The following EHD2 variants were observed in gnomAD, a reference collection of about 807,000 sequenced individuals.
EHD2 encodes the protein EH domain containing 2.
In EHD2, 27 loss-of-function variants were observed where a neutral mutation model predicts 41.0. That is an observed-to-expected ratio of 0.66 (90% CI 0.49 to 0.91). The LOEUF (loss-of-function observed/expected upper bound fraction) is 0.91, where lower values mean the gene tolerates loss of function less well. Ranked by LOEUF, EHD2 falls within the 40% of genes least tolerant of loss-of-function variation. The pLI is 0.00. For synonymous variants in EHD2, 342 were observed against 341.0 expected (o/e 1.00, Z -0.03); for missense variants, 673 against 773.9 (o/e 0.87, Z 1.55).
intron 4 of EHD2, among the ~76,000 whole-genome samples, chr19:47,731,155 C>T (rs1973803097): frequency 6.7e-6 from 1 of 149,954 alleles, no homozygotes; most frequent in African/African-American, 2.4e-5. Context: ...TGTGTTTGAA[C>T]TGAGAGCCTA....
At chr19:47,731,280 A>ATATATATATATATATATG in intron 4 of EHD2, 1 of 54,720 alleles carries the variant, frequency 1.8e-5, no homozygotes, top group East Asian at 4.6e-4. Context: ...AAAAAAAAAA[A>ATATATATATATATATATG]TATATATATA....
intron 5 of EHD2, 48 bp from the exon 6 acceptor site, chr19:47,740,833 C>A (rs1322649151): frequency 6.3e-7 from 1 of 1,590,520 alleles, no homozygotes; most frequent in East Asian, 2.3e-5. Flanking sequence ...CTGAGGGCCT[C>A]AGGGATGGCG....
intron 5 of EHD2, among the ~76,000 whole-genome samples, chr19:47,736,886 C>T (rs1045953039): frequency 3.9e-5 from 6 of 152,150 alleles, no homozygotes; most frequent in Non-Finnish European, 8.8e-5. Context: ...CTTCATGGTA[C>T]AAAAGGGCTG....
intron 1 of EHD2, among the ~76,000 whole-genome samples, chr19:47,715,759 C>T (rs1040959741): frequency 1.3e-5 from 2 of 152,146 alleles, no homozygotes; most frequent in African/African-American, 4.8e-5. Context: ...TCTTTCTCCT[C>T]CTTCAGCTGG....
In EHD2 at chr19:47,733,240, C is replaced by CT. The variant is rs758372235; in HGVS notation, c.916-3116dup. ...CAAGTTTCCAGCCCTTCTGGGGCTC[C>CT]TTTTTTTTTTTTTGAGACAGTGTCT... is the stretch of plus-strand genomic sequence containing the variant. On this transcript the variant is annotated intron_variant, in intron 4 of 5. Coordinates refer to ENST00000263277, the MANE Select transcript of EHD2 (RefSeq NM_014601.4). The CT allele has an allele frequency of 8.0e-3, 1,152 of 144,086 alleles. 14 individuals are homozygous for CT. The highest frequency in any genetic ancestry group is 0.024 in the African/African-American group (934 of 39,364). 8.9% of individuals were successfully genotyped at this position (144,086 alleles called of 1,614,324 possible). A position where few individuals can be genotyped will look rare whatever the true frequency, so the allele number is the denominator to read the frequency against.
At chr19:47,728,927 G>C (rs1599896124) in intron 4 of EHD2, among the ~76,000 whole-genome samples, 1 of 151,080 alleles carries the variant, frequency 6.6e-6, no homozygotes. Context: ...AACAGAATTG[G>C]TGCTCTGTAA....
chr19:47,738,734 C>T (rs967199123), intron 5 of EHD2, among the ~76,000 whole-genome samples: 4 of 152,220 alleles, frequency 2.6e-5, no homozygotes, highest in Non-Finnish European at 5.9e-5. Flanking sequence ...ACTCTGGCTG[C>T]CAGGGAATCC....
In EHD2 at chr19:47,727,115, T is replaced by C. The variant is rs536094358; in HGVS notation, c.915+891T>C. Among the ~76,000 whole-genome samples the C allele has an allele frequency of 2.0e-3, 310 of 152,308 alleles. 2 individuals carry two copies. Among genetic ancestry groups the C allele is most frequent in the African/African-American group, 7.2e-3 (299 of 41,562 alleles). On this transcript the variant is annotated intron_variant, in intron 4 of 5. Transcript: ENST00000263277. The stretch of plus-strand genomic sequence containing the variant: ...AATATTTCTTTTTCTTCTTCTTTTC[T>C]TTTTTTGAGACGGAGTTTTGCTCTT...
At chr19:47,717,081 C>T in intron 2 of EHD2, 65 bp downstream of exon 2, 2 of 1,588,780 alleles carry the variant, frequency 1.3e-6, no homozygotes, top group Non-Finnish European at 1.7e-6. Context: ...AGTTTCCGCT[C>T]TTTTCGCCCA....
At chr19:47,731,284 A>ATATATATG (rs1555793907) in intron 4 of EHD2, 32 of 54,892 alleles carry the variant, frequency 5.8e-4, no homozygotes, top group South Asian at 2.1e-3. Flanking sequence ...AAAAAAATAT[A>ATATATATG]TATATATATA....
At chr19:47,726,593 C>CTCCT (rs1011654516) in intron 4 of EHD2, among the ~76,000 whole-genome samples, 10 of 150,222 alleles carry the variant, frequency 6.7e-5, no homozygotes, top group African/African-American at 2.5e-4. Context: ...CCTCCCCTTC[C>CTCCT]TCCTTCCTTC....
At chr19:47,713,973 T>A (rs1442691926) in intron 1 of EHD2, among the ~76,000 whole-genome samples, 2 of 152,030 alleles carry the variant, frequency 1.3e-5, no homozygotes, top group African/African-American at 4.8e-5. Context: ...GGGCCCTCCC[T>A]GCCTGGGACA....
At chr19:47,735,544 G>A (rs922105195) in intron 4 of EHD2, among the ~76,000 whole-genome samples, 4 of 151,934 alleles carry the variant, frequency 2.6e-5, no homozygotes, top group African/African-American at 9.7e-5. Flanking sequence ...GCTGCAGTAA[G>A]TTATGATCGC....
At chr19:47,731,296 A>ATG (rs1472680284) in intron 4 of EHD2, 5 of 71,482 alleles carry the variant, frequency 7.0e-5, no homozygotes, top group Non-Finnish European at 1.5e-4. Flanking sequence ...ATATATATAT[A>ATG]TATATACATA....
chr19:47,742,316 A>G lies in EHD2; in HGVS notation c.*884A>G. On this transcript the variant is annotated 3_prime_UTR_variant, in exon 6 of 6. Transcript: ENST00000263277. ...TTGATAGAATCTTGCTCTGTCGCCC[A>G]GGCTGGAGTGCAGTGGTGAGATCTC... The G allele has an allele frequency of 3.8e-6, 1 of 262,120 alleles. No individual in the cohort carries two copies. The highest frequency in any genetic ancestry group is 7.4e-6 in the Non-Finnish European group (1 of 135,018). 16.2% of individuals were successfully genotyped at this position (262,120 alleles called of 1,614,324 possible).
chr19:47,716,486 A>G, intron 1 of EHD2, 72 bp from the exon 2 acceptor site: 1 of 1,041,462 alleles, frequency 9.6e-7, no homozygotes, highest in Non-Finnish European at 1.3e-6. Flanking sequence ...TCACCCAGAC[A>G]GTCTACACTC....
At chr19:47,721,331 T>G (rs1000842907) in intron 3 of EHD2, among the ~76,000 whole-genome samples, 7 of 152,098 alleles carry the variant, frequency 4.6e-5, no homozygotes, top group Admixed American at 1.3e-4. Context: ...TTTTTTTTTT[T>G]TGAGATGGAG....
In EHD2 at chr19:47,717,032, G is replaced by C; in HGVS notation, c.404+16G>C. ...TCCTCAACAGGTGTGCCAGCCGCGA[G>C]CCCAGGGCGCATCTTTCTTTTTCTT... On this transcript the variant is annotated intron_variant, in intron 2 of 5. Transcript: ENST00000263277. 1 of 1,598,772 alleles carries C rather than the reference G, an allele frequency of 6.3e-7. No individual in the cohort carries two copies. Among genetic ancestry groups the C allele is most frequent in the Non-Finnish European group, 8.5e-7 (1 of 1,179,860 alleles).
At chr19:47,717,100 T>C (rs972430523) in intron 2 of EHD2, 84 bp downstream of exon 2, 20 of 1,546,454 alleles carry the variant, frequency 1.3e-5, no homozygotes, top group Non-Finnish European at 1.7e-5. Context: ...CAGGCTGGAG[T>C]GCAGTGGTGC....
Sources: gnomAD v4.1 joint callset for allele counts (sites outside exome capture counted in the v4.1 genomes callset) on GRCh38, gnomAD v4.1.1 for gene constraint, MANE v1.5 for transcripts, NCBI Gene and HGNC (gene_info 2026-07-23, HGNC 2026-07-21) for gene names.